Variants in ZSWIM9 observed in about 807,000 individuals in gnomAD.
ZSWIM9 encodes the protein uncharacterized protein ZSWIM9.
ZSWIM9 carries 11 observed loss-of-function variants against 25.0 expected under a neutral mutation model. The observed-to-expected ratio is 0.44, with a 90% confidence interval of 0.28 to 0.73. The LOEUF is 0.73. ZSWIM9 is among the 30% of genes least tolerant of loss of function. The pLI is 0.16. For synonymous variants in ZSWIM9, 562 were observed against 582.1 expected (o/e 0.97, Z 0.50); for missense variants, 1,070 against 1,296.5 (o/e 0.83, Z 2.68).
Position 48,182,170 on chromosome 19 carries a change from C to T in ZSWIM9, c.276-285C>T. ...TGAACACTTACTGCTTGCCATATTC[C>T]AGACACTGTGTAGGTGCTTTACCTA... On this transcript the variant is annotated intron_variant, in intron 2 of 3. Transcript: ENST00000614654. This position sits in a 1 kb window ranked among gnomAD's most constrained non-coding sequence, Gnocchi z 4.6. 2.3e-6 allele frequency: 1 copy of T among 440,858 alleles called. No homozygotes were observed. The highest frequency in any genetic ancestry group is 4.4e-5 in the South Asian group (1 of 22,812). The allele number at this position is 440,858 out of a possible 1,614,324, so 27.3% of individuals were successfully genotyped here. A position where few individuals can be genotyped will look rare whatever the true frequency, so the allele number is the denominator to read the frequency against.
chr19:48,180,901 G>A (rs1264240299), intron 2 of ZSWIM9: 1 of 150,474 alleles, frequency 6.6e-6, no homozygotes, highest in Admixed American at 6.6e-5. Context: ...GGAATTACAG[G>A]TGTAATCCCA....
intron 2 of ZSWIM9, 62 bp downstream of exon 2, chr19:48,172,139 T>TGGGGGG: frequency 2.3e-6 from 1 of 443,048 alleles, no homozygotes; most frequent in East Asian, 4.4e-5. Flanking sequence ...TGGGTGTGGG[T>TGGGGGG]GGGAGACGGG....
intron 1 of ZSWIM9, chr19:48,171,357 G>C: frequency 1.0e-6 from 1 of 985,384 alleles, no homozygotes; most frequent in Non-Finnish European, 1.2e-6. Flanking sequence ...ATGGAAGGAG[G>C]AGTTCCAGAT....
chr19:48,172,151 A>G, intron 2 of ZSWIM9, 74 bp downstream of exon 2: 2 of 1,345,598 alleles, frequency 1.5e-6, no homozygotes, highest in South Asian at 1.4e-5. Context: ...GGAGACGGGC[A>G]GAGAACACCC....
At position 48,195,106 on chromosome 19, in the gene ZSWIM9, C is replaced by G. The variant is rs1185567176; in HGVS notation, c.1042C>G (p.Arg348Gly). The G allele has an allele frequency of 1.6e-5, 24 of 1,461,984 alleles. No individual in the cohort carries two copies. Among genetic ancestry groups the G allele is most frequent in the Non-Finnish European group, 2.2e-5 (24 of 1,112,248 alleles). 90.6% of individuals were successfully genotyped at this position (1,461,984 alleles called of 1,614,324 possible). Residue 348 changes from arginine to glycine, a missense_variant, in exon 4 of 4, where the codon CGC (arginine) becomes GGC (glycine). By Grantham distance (125) the Arg-to-Gly change is moderately radical. This residue lies in a region of ZSWIM9 where 184 missense variants were observed against 243.1 expected (regional missense o/e 0.76). Coordinates refer to ENST00000614654, the MANE Select transcript of ZSWIM9 (RefSeq NM_199341.4). The surrounding 1 kb of genome is among the most constrained non-coding windows in gnomAD (Gnocchi z 5.8). ...EDPGLWSRLC[R>G]LAGASSPAAY... ...CCCGGGCCTGTGGTCGCGCCTGTGC[C>G]GCCTGGCTGGCGCGTCGTCGCCCGC...
Position 48,182,427 on chromosome 19 carries a change from A to G in ZSWIM9, c.276-28A>G. On this transcript the variant is annotated intron_variant, in intron 2 of 3. Transcript: ENST00000614654. This position sits in a 1 kb window ranked among gnomAD's most constrained non-coding sequence, Gnocchi z 4.6. ...AAGAAGAGGGCAGCAGAGTGATGTG[A>G]CCAGGGCGGTGGTGGTTCCTCCCAC... is the stretch of plus-strand genomic sequence containing the variant. 1 of 1,510,638 alleles carries G rather than the reference A, an allele frequency of 6.6e-7. No individual in the cohort carries two copies. The highest frequency in any genetic ancestry group is 8.9e-7 in the Non-Finnish European group (1 of 1,129,706). The allele number at this position is 1,510,638 out of a possible 1,614,324, so 93.6% of individuals were successfully genotyped here. A position where few individuals can be genotyped will look rare whatever the true frequency, so the allele number is the denominator to read the frequency against.
rs1222154259 is a variant in ZSWIM9 at position 48,171,255 on chromosome 19, G to A, written c.-9-539G>A. The A allele has an allele frequency of 3.0e-6, 3 of 985,298 alleles. No individual in the cohort carries two copies. In the African/African-American group the frequency reaches 5.2e-5, roughly 17 times the overall value. 61.0% of individuals were successfully genotyped at this position (985,298 alleles called of 1,614,324 possible). ...GAGTGCGGAGCCACAGGTGCATGAA[G>A]CATGTGACCGGGTGAGGGGTCCGTG... is the stretch of plus-strand genomic sequence containing the variant. On this transcript the variant is annotated intron_variant, in intron 1 of 3. Coordinates refer to ENST00000614654, the MANE Select transcript of ZSWIM9 (RefSeq NM_199341.4).
At chr19:48,177,993 G>A (rs2036910155) in intron 2 of ZSWIM9, among the ~76,000 whole-genome samples, 1 of 152,196 alleles carries the variant, frequency 6.6e-6, no homozygotes, top group Non-Finnish European at 1.5e-5. Context: ...CATCTCCCAG[G>A]TTCAAGCGAT....
At chr19:48,188,243 G>A (rs1196068099) in intron 3 of ZSWIM9, among the ~76,000 whole-genome samples, 1 of 150,046 alleles carries the variant, frequency 6.7e-6, no homozygotes, top group Non-Finnish European at 1.5e-5. Flanking sequence ...TTTTTTTTGA[G>A]ATGGAGTCTC....
At chr19:48,190,214 A>G (rs947112825) in intron 3 of ZSWIM9, among the ~76,000 whole-genome samples, 7 of 151,592 alleles carry the variant, frequency 4.6e-5, no homozygotes, top group African/African-American at 7.3e-5. Context: ...AAAAAAAAAA[A>G]AAAGAAAGAA....
In ZSWIM9 at chr19:48,197,239, G is replaced by GA. The variant is rs748314174; in HGVS notation, c.*415dup. On this transcript the variant is annotated 3_prime_UTR_variant, in exon 4 of 4. Coordinates refer to ENST00000614654, the MANE Select transcript of ZSWIM9 (RefSeq NM_199341.4). ...GTGCAGCGGGGAGAGGGGAAAGGGA[G>GA]AAAGTACAGAAGACAGATGAAGGAG... 2 of 702,434 alleles carry GA rather than the reference G, an allele frequency of 2.8e-6. No individual in the cohort carries two copies. The highest frequency in any genetic ancestry group is 3.0e-5 in the South Asian group (2 of 67,534). The allele number at this position is 702,434 out of a possible 1,614,324, so 43.5% of individuals were successfully genotyped here. A position where few individuals can be genotyped will look rare whatever the true frequency, so the allele number is the denominator to read the frequency against.
intron 3 of ZSWIM9, among the ~76,000 whole-genome samples, chr19:48,190,259 TG>T (rs2037078551): frequency 6.6e-6 from 1 of 151,862 alleles, no homozygotes; most frequent in Non-Finnish European, 1.5e-5. Context: ...TAAACGCATT[TG>T]TTTCTCTCCT....
Position 48,177,165 on chromosome 19 carries a change from G to A in ZSWIM9, c.275+5088G>A, listed in dbSNP as rs111705532. Among the ~76,000 whole-genome samples, 1,293 of 152,300 alleles carry A rather than the reference G, an allele frequency of 8.5e-3. 16 individuals are homozygous for A. The highest frequency in any genetic ancestry group is 0.029 in the African/African-American group (1,221 of 41,554). ...TCAGGGAAGACTTCCTGGAGGAGGC[G>A]ATGCTGGCTGTGAGGCCTGAAAGAT... On this transcript the variant is annotated intron_variant, in intron 2 of 3. Transcript: ENST00000614654.
chr19:48,187,495 A>ATATATT (rs1568579546), intron 3 of ZSWIM9, among the ~76,000 whole-genome samples: 1 of 50,512 alleles, frequency 2.0e-5, no homozygotes, highest in East Asian at 5.0e-4. Context: ...ATTATATTAT[A>ATATATT]ATATATTATA....
chr19:48,173,815 T>A (rs915943608), intron 2 of ZSWIM9, among the ~76,000 whole-genome samples: 4 of 148,570 alleles, frequency 2.7e-5, no homozygotes. Flanking sequence ...TTTTGTATTT[T>A]TAGGGTTTCA....
intron 2 of ZSWIM9, among the ~76,000 whole-genome samples, chr19:48,173,968 G>C (rs1273423702): frequency 6.6e-6 from 1 of 152,112 alleles, no homozygotes; most frequent in Non-Finnish European, 1.5e-5. Flanking sequence ...CACACAGTTA[G>C]GTTTCCAGCT....
intron 2 of ZSWIM9, chr19:48,181,711 C>T (rs1457010120): frequency 9.8e-5 from 15 of 152,302 alleles, no homozygotes. Flanking sequence ...GGTGAGAGTT[C>T]CAGTTGCTCC....
chr19:48,186,162 C>T (rs1026908116), intron 3 of ZSWIM9, among the ~76,000 whole-genome samples: 6 of 152,190 alleles, frequency 3.9e-5, no homozygotes, highest in South Asian at 2.1e-4. Flanking sequence ...GATTGGACAG[C>T]GCAGCTCTGC....
At chr19:48,187,600 T>TTA in intron 3 of ZSWIM9, 1 of 101,504 alleles carries the variant, frequency 9.9e-6, no homozygotes, top group Middle Eastern at 3.8e-3. Flanking sequence ...TAATATAATA[T>TTA]TATATATTAT....
Sources: gnomAD v4.1 joint callset for allele counts (sites outside exome capture counted in the v4.1 genomes callset) on GRCh38, gnomAD v4.1.1 for gene constraint, gnomAD v4.1.1 regional missense constraint, Gnocchi (gnomAD v3.1) non-coding constraint, MANE v1.5 for transcripts, NCBI Gene and HGNC (gene_info 2026-07-23, HGNC 2026-07-21) for gene names.